The following PLPP4 variants were observed in gnomAD, a reference collection of about 807,000 sequenced individuals.
PLPP4 encodes the protein diacylglycerol pyrophosphate like 2.
Under a neutral mutation model 32.2 loss-of-function variants are expected in PLPP4, and 20 were observed. The observed-to-expected ratio is 0.62, with a 90% confidence interval of 0.44 to 0.90. PLPP4 has a LOEUF of 0.90. PLPP4 is among the 40% of genes least tolerant of loss of function. PLPP4 has a pLI of 0.00. For missense variants in PLPP4, 257 were observed against 353.1 expected, an observed-to-expected ratio of 0.73 and a Z score of 2.18; for synonymous variants, 127 against 133.0, an observed-to-expected ratio of 0.95 and a Z score of 0.31.
chr10:120,523,494 T>G (rs774850541), intron 5 of PLPP4, among the ~76,000 whole-genome samples: 6 of 152,192 alleles, frequency 3.9e-5, no homozygotes, highest in Non-Finnish European at 8.8e-5. Flanking sequence ...TATTGATTTT[T>G]TGTCTCCTTG....
intron 5 of PLPP4, among the ~76,000 whole-genome samples, chr10:120,546,362 C>G (rs1268707851): frequency 1.3e-5 from 2 of 152,078 alleles, no homozygotes; most frequent in African/African-American, 4.8e-5. Context: ...CTGTTCAGTT[C>G]TCTCACACAG....
chr10:120,493,613 C>G (rs1413940784), intron 1 of PLPP4, among the ~76,000 whole-genome samples: 1 of 152,156 alleles, frequency 6.6e-6, no homozygotes, highest in Non-Finnish European at 1.5e-5. Flanking sequence ...GATGACATCT[C>G]CAGGCTTGGG....
chr10:120,457,122 G>A (rs1589694211), upstream of PLPP4: 9 of 252,936 alleles, frequency 3.6e-5, no homozygotes, highest in East Asian at 7.8e-4. Flanking sequence ...CCCGGAGCCC[G>A]AGGCGCGAGG....
chr10:120,574,177 CT>C (rs1849094945), intron 5 of PLPP4, among the ~76,000 whole-genome samples: 2 of 73,454 alleles, frequency 2.7e-5, no homozygotes, highest in African/African-American at 1.8e-4. Context: ...CACTCTCTCT[CT>C]CTCTCTCTCT....
chr10:120,497,695 A>G (rs1196865947), intron 1 of PLPP4, among the ~76,000 whole-genome samples: 6 of 152,128 alleles, frequency 3.9e-5, no homozygotes, highest in Non-Finnish European at 7.4e-5. Context: ...AGGAGAAAAT[A>G]TATATAACTG....
intron 5 of PLPP4, among the ~76,000 whole-genome samples, chr10:120,539,425 G>A (rs1847231888): frequency 6.6e-6 from 1 of 152,180 alleles, no homozygotes; most frequent in African/African-American, 2.4e-5. Context: ...ACATTGCACT[G>A]TGCCCAGCAC....
At chr10:120,584,057 C>T (rs1166236889) in intron 6 of PLPP4, among the ~76,000 whole-genome samples, 1 of 152,166 alleles carries the variant, frequency 6.6e-6, no homozygotes, top group East Asian at 1.9e-4. Context: ...AAAGACACTA[C>T]CCCTTTCTTA....
rs374241404 is a variant in PLPP4, at chr10:120,463,321, C to T, written c.56+5960C>T. 1.2e-4 allele frequency among the ~76,000 whole-genome samples: 18 copies of T among 152,218 alleles called. No individual in the cohort carries two copies. The South Asian group carries it at 3.5e-3, about 30-fold the overall frequency. On this transcript the variant is annotated intron_variant, in intron 1 of 6. Transcript: ENST00000398250. ...GATTACAGGCGTGAGCCACCGTGCC[C>T]GGCCTAGAAACAAGTTTCAAATGAG...
intron 1 of PLPP4, among the ~76,000 whole-genome samples, chr10:120,477,895 A>G (rs1438174028): frequency 6.6e-6 from 1 of 152,216 alleles, no homozygotes; most frequent in Non-Finnish European, 1.5e-5. Flanking sequence ...TACAGCAGAC[A>G]GGGGCCATGG....
intron 6 of PLPP4, among the ~76,000 whole-genome samples, chr10:120,583,441 AG>A (rs1217288849): frequency 6.6e-6 from 1 of 152,102 alleles, no homozygotes; most frequent in Admixed American, 6.5e-5. Context: ...CTCTTTTTAA[AG>A]AACAGCTTTC....
At chr10:120,457,445 G>A in intron 1 of PLPP4, 84 bp downstream of exon 1, 2 of 1,297,330 alleles carry the variant, frequency 1.5e-6, no homozygotes, top group Non-Finnish European at 2.1e-6. Context: ...CTTAGTTTGC[G>A]CAGCCGCTTC....
At chr10:120,464,135 G>A (rs1204795558) in intron 1 of PLPP4, among the ~76,000 whole-genome samples, 6 of 152,188 alleles carry the variant, frequency 3.9e-5, no homozygotes, top group Non-Finnish European at 7.3e-5. Context: ...CCTGCTGTGT[G>A]AGTTTTGGGA....
intron 5 of PLPP4, among the ~76,000 whole-genome samples, chr10:120,568,234 G>A (rs904410699): frequency 6.6e-6 from 1 of 152,210 alleles, no homozygotes; most frequent in Non-Finnish European, 1.5e-5. Flanking sequence ...CATTTCAGGG[G>A]TAACAGATCT....
chr10:120,466,043 G>A (rs1185520512), intron 1 of PLPP4, among the ~76,000 whole-genome samples: 1 of 151,860 alleles, frequency 6.6e-6, no homozygotes, highest in African/African-American at 2.4e-5. Context: ...TATACATACG[G>A]GTGGAACTGC....
intron 1 of PLPP4, among the ~76,000 whole-genome samples, chr10:120,490,163 A>G (rs1304886114): frequency 1.3e-5 from 2 of 152,346 alleles, no homozygotes; most frequent in East Asian, 1.9e-4. Context: ...TGTACCAAAC[A>G]GGCAACCATT....
intron 5 of PLPP4, among the ~76,000 whole-genome samples, chr10:120,549,895 AGATTGAATGCTTTTCCTGTTT>A (rs1188233885): frequency 5.3e-5 from 8 of 152,146 alleles, no homozygotes; most frequent in Non-Finnish European, 7.4e-5. Flanking sequence ...TAGTGGTGAA[AGATTGAATGCTTTTCCTGTTT>A]GATTGCAGAC....
At chr10:120,476,048 T>A (rs116513458) in intron 1 of PLPP4, among the ~76,000 whole-genome samples, 2,198 of 152,296 alleles carry the variant, frequency 0.014, 59 homozygotes, top group African/African-American at 0.05. Flanking sequence ...AGACGAATAA[T>A]GGCATGTGCC....
intron 5 of PLPP4, among the ~76,000 whole-genome samples, chr10:120,565,223 G>T (rs1848628795): frequency 6.6e-6 from 1 of 151,944 alleles, no homozygotes; most frequent in African/African-American, 2.4e-5. Flanking sequence ...CCACAGATAT[G>T]CCAGTATCTT....
intron 2 of PLPP4, among the ~76,000 whole-genome samples, chr10:120,506,265 CATA>C (rs1845486348): frequency 6.6e-6 from 1 of 152,126 alleles, no homozygotes; most frequent in African/African-American, 2.4e-5. Context: ...AGTACAATTC[CATA>C]ATAACATAAG....
Sources: allele counts gnomAD v4.1 joint callset (sites outside exome capture counted in the v4.1 genomes callset), GRCh38; gene constraint gnomAD v4.1.1; transcripts MANE v1.5; gene names NCBI Gene and HGNC (gene_info 2026-07-23, HGNC 2026-07-21).